Variants in SPEN observed in about 807,000 individuals in gnomAD.
SPEN encodes msx2-interacting protein.
SPEN carries 18 observed loss-of-function variants against 269.9 expected under a neutral mutation model. That is an observed-to-expected ratio of 0.07 (90% CI 0.05 to 0.10). The LOEUF (loss-of-function observed/expected upper bound fraction) is 0.10, where lower values mean the gene tolerates loss of function less well. Among genes scored for constraint, SPEN ranks in the 10% least tolerant of loss-of-function variants. The pLI is 1.00. For synonymous variants in SPEN, 1,726 were observed against 1,765.7 expected, an observed-to-expected ratio of 0.98 and a Z score of 0.56; for missense variants, 3,822 against 4,631.2, an observed-to-expected ratio of 0.83 and a Z score of 5.07.
chr1:15,915,235 G>A (rs1390054137), intron 5 of SPEN, among the ~76,000 whole-genome samples: 1 of 152,188 alleles, frequency 6.6e-6, no homozygotes, highest in African/African-American at 2.4e-5. Context: ...ATCAGGCCAA[G>A]TGCAGTGGCT....
intron 3 of SPEN, among the ~76,000 whole-genome samples, chr1:15,897,290 G>A (rs1262191038): frequency 2.6e-5 from 4 of 152,018 alleles, no homozygotes; most frequent in Non-Finnish European, 5.9e-5. Context: ...CTGGGTTCAA[G>A]CGATTCTCCT....
chr1:15,906,629 A>G (rs1325362017), intron 3 of SPEN, among the ~76,000 whole-genome samples: 1 of 151,330 alleles, frequency 6.6e-6, no homozygotes, highest in Non-Finnish European at 1.5e-5. Flanking sequence ...AAGCCTGGCT[A>G]ATTTTTGTAT....
intron 3 of SPEN, among the ~76,000 whole-genome samples, chr1:15,906,498 G>T (rs1362999123): frequency 5.5e-5 from 6 of 108,506 alleles, no homozygotes; most frequent in African/African-American, 2.3e-4. Context: ...TCGCTCTGTT[G>T]TCCAGGCTGG....
intron 1 of SPEN, among the ~76,000 whole-genome samples, chr1:15,869,580 G>T (rs1569984239): frequency 1.4e-5 from 2 of 145,988 alleles, no homozygotes; most frequent in South Asian, 2.2e-4. Flanking sequence ...TGTCTCTACT[G>T]TATTTATTTA....
At position 15,934,249 on chromosome 1, in the gene SPEN, G is replaced by C; in HGVS notation, c.8009G>C (p.Gly2670Ala). The change falls in exon 11 of 15, where the codon GGC (glycine) becomes GCC (alanine). Residue 2670 changes from glycine (G) to alanine (A), a missense_variant. Physicochemically the swap from Gly to Ala is moderately conservative, Grantham distance 60. This residue lies in a region of SPEN where 329 missense variants were observed against 431.2 expected (regional missense o/e 0.76). Coordinates refer to ENST00000375759, the MANE Select transcript of SPEN (RefSeq NM_015001.3). The surrounding 1 kb of genome is among the most constrained non-coding windows in gnomAD (Gnocchi z 9.2). Reference sequence around the variant, plus strand: ...CTGGTCCCGGTGAATGCCCTGAAAGGCCCCGTGAAGGGCTCAGTGACCACA... The same window carrying C: ...CTGGTCCCGGTGAATGCCCTGAAAGCCCCCGTGAAGGGCTCAGTGACCACA... ...VSLVPVNALK[G>A]PVKGSVTTLK... 6.2e-7 allele frequency: 1 copy of C among 1,614,196 alleles called. No individual in the cohort carries two copies.
intron 3 of SPEN, among the ~76,000 whole-genome samples, chr1:15,884,240 A>C (rs572524853): frequency 7.2e-5 from 11 of 152,090 alleles, no homozygotes; most frequent in Admixed American, 1.3e-4. Context: ...AATAAGAAGC[A>C]TTTTTTTTCT....
At chr1:15,872,735 C>G (rs2070594161) in intron 1 of SPEN, 81 bp from the exon 2 acceptor site, 3 of 1,210,302 alleles carry the variant, frequency 2.5e-6, no homozygotes, top group Non-Finnish European at 2.3e-6. Context: ...ATACATAACG[C>G]AAATTGTCCA....
At chr1:15,915,419 G>A (rs116164573) in intron 5 of SPEN, among the ~76,000 whole-genome samples, 27 of 152,264 alleles carry the variant, frequency 1.8e-4, no homozygotes, top group African/African-American at 5.3e-4. Flanking sequence ...AGCCTGGGAG[G>A]TTGAGGCTCC....
chr1:15,878,639 G>A (rs1300458316), intron 3 of SPEN, among the ~76,000 whole-genome samples: 1 of 152,148 alleles, frequency 6.6e-6, no homozygotes, highest in Non-Finnish European at 1.5e-5. Context: ...AAATGCTCAA[G>A]TTTTAGTCAT....
chr1:15,918,855 T>C (rs2071089768), intron 6 of SPEN, 71 bp from the exon 7 acceptor site: 7 of 1,298,750 alleles, frequency 5.4e-6, no homozygotes, highest in Middle Eastern at 2.1e-4. Context: ...ATAAATACCC[T>C]ATATGGACTT....
rs778420339 is a variant in SPEN, at chr1:15,935,402, C to T, written c.9162C>T (p.Ala3054=). Residue 3054 remains alanine (A), a synonymous_variant, in exon 11 of 15, where the codon GCC becomes GCT. Transcript: ENST00000375759. This position sits in a 1 kb window ranked among gnomAD's most constrained non-coding sequence, Gnocchi z 7.7. ...CATCTACGGCGCTCTCCACCAACGC[C>T]ACAGTCATGCTGGCTGCAGGCATCC... is the stretch of plus-strand genomic sequence containing the variant. ...STASTALSTN[A]TVMLAAGIPV... is the part of the protein sequence containing the mutation. 1 of 1,614,156 alleles carries T rather than the reference C, an allele frequency of 6.2e-7. No individual in the cohort carries two copies. The highest frequency in any genetic ancestry group is 2.2e-5 in the East Asian group (1 of 44,876).
chr1:15,872,222 CA>C (rs58028111), intron 1 of SPEN, among the ~76,000 whole-genome samples: 16,709 of 62,284 alleles, frequency 0.27, 669 homozygotes, highest in African/African-American at 0.32. Flanking sequence ...GACTCTGTCT[CA>C]AAAAAAAAAA....
chr1:15,924,026 T>C (rs769332368), intron 10 of SPEN, among the ~76,000 whole-genome samples: 1 of 152,170 alleles, frequency 6.6e-6, no homozygotes, highest in Non-Finnish European at 1.5e-5. Flanking sequence ...AAGCTCAAAC[T>C]TGTCAGGTTT....
At position 15,936,201 on chromosome 1, in the gene SPEN, A is replaced by T; in HGVS notation, c.9961A>T (p.Thr3321Ser). Residue 3321 changes from threonine (T) to serine (S), a missense_variant, in exon 11 of 15, where the codon ACA becomes TCA. Transcript: ENST00000375759. ...IRTYHPPAQLTHTQFPAASSV... is the reference protein window; with the variant it reads ...IRTYHPPAQLSHTQFPAASSV... The stretch of plus-strand genomic sequence containing the variant: ...CACCTACCACCCCCCGGCCCAGCTC[A>T]CACACACTCAGTTTCCCGCCGCTTC... The T allele has an allele frequency of 2.5e-6, 4 of 1,579,390 alleles. No homozygotes were observed. Among genetic ancestry groups the T allele is most frequent in the Non-Finnish European group, 3.5e-6 (4 of 1,156,878 alleles).
chr1:15,912,722 A>G (rs781473311), intron 5 of SPEN, among the ~76,000 whole-genome samples: 2 of 152,216 alleles, frequency 1.3e-5, no homozygotes, highest in Non-Finnish European at 2.9e-5. Context: ...GGATTGCCCT[A>G]AATTTTACTA....
rs566941651 is a variant in SPEN, at chr1:15,936,629, C to T, written c.10026+363C>T. Among the ~76,000 whole-genome samples the T allele has an allele frequency of 5.6e-5, 7 of 125,206 alleles. No homozygotes were observed. In the South Asian group the frequency reaches 1.4e-3, roughly 25 times the overall value. The allele number at this position is 125,206 out of a possible 152,430, so 82.1% of individuals were successfully genotyped here. A position where few individuals can be genotyped will look rare whatever the true frequency, so the allele number is the denominator to read the frequency against. On this transcript the variant is annotated intron_variant, in intron 11 of 14. Coordinates refer to ENST00000375759, the MANE Select transcript of SPEN (RefSeq NM_015001.3). Reference sequence around the variant, plus strand: ...GTGCCACTAGGCTCCAGTGACAGAGCGAGACCCAGTCTCAAAAAAAAAAAA... The same window carrying T: ...GTGCCACTAGGCTCCAGTGACAGAGTGAGACCCAGTCTCAAAAAAAAAAAA...
intron 3 of SPEN, among the ~76,000 whole-genome samples, chr1:15,877,054 G>C (rs1486956008): frequency 6.6e-6 from 1 of 152,160 alleles, no homozygotes; most frequent in Non-Finnish European, 1.5e-5. Context: ...TTGAAGATTT[G>C]TAAAAGCTGT....
Position 15,939,203 on chromosome 1 carries a change from C to G in SPEN, c.10864-93C>G, listed in dbSNP as rs750058723. 1 of 1,467,306 alleles carries G rather than the reference C, an allele frequency of 6.8e-7. No individual in the cohort carries two copies. Among genetic ancestry groups the G allele is most frequent in the Admixed American group, 2.5e-5 (1 of 40,334 alleles). The allele number at this position is 1,467,306 out of a possible 1,614,324, so 90.9% of individuals were successfully genotyped here. A position where few individuals can be genotyped will look rare whatever the true frequency, so the allele number is the denominator to read the frequency against. ...GGTTGGGGACTGATTTGGCCTGGCT[C>G]TTAGCATTGGGCCTCTTCAGGGCTC... On this transcript the variant is annotated intron_variant, in intron 14 of 14. Coordinates refer to ENST00000375759, the MANE Select transcript of SPEN (RefSeq NM_015001.3). This position sits in a 1 kb window ranked among gnomAD's most constrained non-coding sequence, Gnocchi z 4.1.
chr1:15,899,500 A>G (rs964975480), intron 3 of SPEN, among the ~76,000 whole-genome samples: 37 of 144,806 alleles, frequency 2.6e-4, no homozygotes, highest in African/African-American at 9.5e-4. Flanking sequence ...AATAATAGCC[A>G]TCCTAGTGGG....
Sources: gnomAD v4.1 joint callset for allele counts (sites outside exome capture counted in the v4.1 genomes callset) on GRCh38, gnomAD v4.1.1 for gene constraint, gnomAD v4.1.1 regional missense constraint, Gnocchi (gnomAD v3.1) non-coding constraint, MANE v1.5 for transcripts, NCBI Gene and HGNC (gene_info 2026-07-23, HGNC 2026-07-21) for gene names.